The following SLC44A3 variants were observed in gnomAD, a reference collection of about 807,000 sequenced individuals.
SLC44A3 encodes the protein choline transporter-like protein 3.
In SLC44A3, 74 loss-of-function variants were observed where a neutral mutation model predicts 75.4. That is an observed-to-expected ratio of 0.98 (90% CI 0.81 to 1.19). SLC44A3 has a LOEUF of 1.19. Ranked by LOEUF, SLC44A3 falls within the 50% of genes most tolerant of loss-of-function variation. SLC44A3 has a pLI of 0.00. For synonymous variants in SLC44A3, 310 were observed against 296.9 expected (o/e 1.04, Z -0.45); for missense variants, 700 against 778.6 (o/e 0.90, Z 1.20).
At position 94,847,354 on chromosome 1, in the gene SLC44A3, TGAG is replaced by T. The variant is rs771820317; in HGVS notation, c.1072+1895_1072+1897del. On this transcript the variant is annotated intron_variant, in intron 9 of 14. Coordinates refer to ENST00000271227, the MANE Select transcript of SLC44A3 (RefSeq NM_001114106.3). The stretch of plus-strand genomic sequence containing the variant: ...CCACTGCCATGTCTTATTCCGACCT[TGAG>T]GAGGGTGGCAGGGAGGAAAGCGAGC... Among the ~76,000 whole-genome samples the T allele has an allele frequency of 4.6e-5, 7 of 152,264 alleles. No individual in the cohort carries two copies. The East Asian group carries it at 9.7e-4, about 21-fold the overall frequency.
At chr1:94,880,331 A>G (rs1222977427) in intron 12 of SLC44A3, among the ~76,000 whole-genome samples, 1 of 152,246 alleles carries the variant, frequency 6.6e-6, no homozygotes, top group Non-Finnish European at 1.5e-5. Flanking sequence ...GTAGAATATT[A>G]TGTATCCAAG....
At chr1:94,821,458 T>C (rs888408816) in intron 2 of SLC44A3, among the ~76,000 whole-genome samples, 8 of 152,202 alleles carry the variant, frequency 5.3e-5, no homozygotes, top group Admixed American at 3.3e-4. Flanking sequence ...AGAAATAAAC[T>C]GCATTTCCTT....
intron 12 of SLC44A3, among the ~76,000 whole-genome samples, chr1:94,880,241 C>T (rs534895507): frequency 2.0e-5 from 3 of 152,286 alleles, no homozygotes; most frequent in South Asian, 2.1e-4. Flanking sequence ...TCACAGCATA[C>T]GCTCAATGGC....
In SLC44A3 at chr1:94,894,825, TA is replaced by T; in HGVS notation, c.1870del (p.Arg624GlyfsTer5). 3 of 1,609,822 alleles carry T rather than the reference TA, an allele frequency of 1.9e-6. No individual in the cohort carries two copies. The Middle Eastern group carries it at 5.0e-4, about 266-fold the overall frequency. On this transcript the variant is annotated frameshift_variant, in exon 15 of 15. Coordinates refer to ENST00000271227, the MANE Select transcript of SLC44A3 (RefSeq NM_001114106.3). LOFTEE classifies it low-confidence loss of function (END_TRUNC). Reference protein sequence around the residue: ...YFMDQEFLSFVKRSNKLNNAR... With the variant: ...YFMDQEFLSFXKRSNKLNNAR... ...TGTTCTTTTGTTTTTCAGAGTTTCG[TA>T]AAAAGGAGCAACAAATTAAACAATG...
chr1:94,828,981 C>G (rs1388119559), intron 5 of SLC44A3, among the ~76,000 whole-genome samples: 1 of 152,112 alleles, frequency 6.6e-6, no homozygotes, highest in East Asian at 1.9e-4. Flanking sequence ...TGGCTCACAC[C>G]TGCAATCCCA....
chr1:94,845,598 C>A, intron 9 of SLC44A3, 134 bp downstream of exon 9: 1 of 744,804 alleles, frequency 1.3e-6, no homozygotes, highest in Non-Finnish European at 2.0e-6. Context: ...AGCGTTGGTG[C>A]TTGGGGCTCT....
intron 11 of SLC44A3, among the ~76,000 whole-genome samples, chr1:94,866,932 T>G (rs1667227352): frequency 6.6e-6 from 1 of 151,818 alleles, no homozygotes; most frequent in African/African-American, 2.4e-5. Context: ...CAGTGTATTA[T>G]TTGTTTTTTT....
chr1:94,849,498 T>C (rs1458083538), intron 9 of SLC44A3, among the ~76,000 whole-genome samples: 4 of 152,164 alleles, frequency 2.6e-5, no homozygotes, highest in Non-Finnish European at 5.9e-5. Flanking sequence ...GCTCTGCGGC[T>C]GGGCAGATCA....
chr1:94,831,080 A>T (rs1160246385), intron 5 of SLC44A3, among the ~76,000 whole-genome samples: 2 of 152,294 alleles, frequency 1.3e-5, no homozygotes, highest in East Asian at 3.9e-4. Context: ...TTTTATTTTG[A>T]CTGGTGAGTG....
chr1:94,838,534 G>A (rs1663129492), intron 6 of SLC44A3, among the ~76,000 whole-genome samples: 1 of 152,204 alleles, frequency 6.6e-6, no homozygotes, highest in Non-Finnish European at 1.5e-5. Flanking sequence ...AGTGGTAAGA[G>A]CCTATTGTCT....
At chr1:94,826,238 A>G (rs1661324559) in intron 3 of SLC44A3, among the ~76,000 whole-genome samples, 3 of 152,210 alleles carry the variant, frequency 2.0e-5, no homozygotes. Flanking sequence ...GGAGGAAAGG[A>G]GGGTGGGAAC....
intron 14 of SLC44A3, among the ~76,000 whole-genome samples, chr1:94,893,387 CT>C (rs145525095): frequency 8.0e-5 from 12 of 149,398 alleles, no homozygotes; most frequent in African/African-American, 1.7e-4. Context: ...ACAAATTTTA[CT>C]TTTTTTTTTG....
At chr1:94,829,894 A>G (rs183129488) in intron 5 of SLC44A3, among the ~76,000 whole-genome samples, 148 of 152,354 alleles carry the variant, frequency 9.7e-4, no homozygotes, top group African/African-American at 3.3e-3. Context: ...ATATGTCCTT[A>G]CATATATAAA....
At chr1:94,871,752 T>C (rs1356727689) in intron 12 of SLC44A3, among the ~76,000 whole-genome samples, 4 of 152,228 alleles carry the variant, frequency 2.6e-5, no homozygotes, top group Non-Finnish European at 4.4e-5. Flanking sequence ...ATAGCAGGAT[T>C]CCATAGGTTT....
At chr1:94,856,973 C>T (rs894399744) in intron 9 of SLC44A3, among the ~76,000 whole-genome samples, 12 of 152,138 alleles carry the variant, frequency 7.9e-5, no homozygotes, top group Admixed American at 2.0e-4. Context: ...TCAGGTGATC[C>T]GCCCACCTCA....
intron 6 of SLC44A3, among the ~76,000 whole-genome samples, chr1:94,839,424 G>A (rs540838114): frequency 2.7e-4 from 41 of 151,844 alleles, no homozygotes; most frequent in Admixed American, 7.2e-4. Context: ...GTCTTGCTCT[G>A]TTGCCCAGGC....
intron 7 of SLC44A3, 23 bp from the exon 8 acceptor site, chr1:94,841,970 CCTGAGCT>C (rs761311304): frequency 1.7e-5 from 27 of 1,593,040 alleles, no homozygotes; most frequent in Non-Finnish European, 2.1e-5. Context: ...TGGCGTGTGC[CCTGAGCT>C]CTGCTACTGT....
At chr1:94,856,207 G>A (rs917753939) in intron 9 of SLC44A3, among the ~76,000 whole-genome samples, 9 of 152,132 alleles carry the variant, frequency 5.9e-5, no homozygotes, top group South Asian at 2.1e-4. Flanking sequence ...CACTTATGGC[G>A]CGATATGTCT....
chr1:94,894,520 C>T (rs1670564596), intron 14 of SLC44A3, among the ~76,000 whole-genome samples: 3 of 152,230 alleles, frequency 2.0e-5, no homozygotes, highest in South Asian at 2.1e-4. Context: ...TTGTTCCCAG[C>T]CACTAAGTGT....
Sources: allele counts gnomAD v4.1 joint callset (sites outside exome capture counted in the v4.1 genomes callset), GRCh38; gene constraint gnomAD v4.1.1; transcripts MANE v1.5; gene names NCBI Gene and HGNC (gene_info 2026-07-23, HGNC 2026-07-21).